Variants in RANBP17 observed in about 807,000 individuals in gnomAD.
The protein encoded by RANBP17 is ran-binding protein 17.
Under a neutral mutation model 141.2 loss-of-function variants are expected in RANBP17, and 158 were observed. That is an observed-to-expected ratio of 1.12 (90% CI 0.98 to 1.28). The LOEUF is 1.28. RANBP17 is among the 50% of genes most tolerant of loss of function. RANBP17 has a pLI of 0.00. For synonymous variants in RANBP17, 430 were observed against 450.0 expected (o/e 0.96, Z 0.56); for missense variants, 1,438 against 1,290.7 (o/e 1.11, Z -1.75).
chr5:171,049,477 G>C (rs763802732), intron 14 of RANBP17, among the ~76,000 whole-genome samples: 4 of 152,090 alleles, frequency 2.6e-5, no homozygotes, highest in Non-Finnish European at 5.9e-5. Context: ...AGTTTAATTA[G>C]GTCTCATTTG....
chr5:170,881,918 T>C (rs751078600), intron 3 of RANBP17, 22 bp downstream of exon 3: 1 of 1,479,544 alleles, frequency 6.8e-7, no homozygotes, highest in Non-Finnish European at 9.3e-7. Context: ...ATTATGCTTT[T>C]TAACCAACTG....
chr5:170,892,478 G>A lies in RANBP17; in HGVS notation c.348G>A (p.Lys116=). 6.2e-7 allele frequency: 1 copy of A among 1,614,044 alleles called. No homozygotes were observed. The highest frequency in any genetic ancestry group is 8.5e-7 in the Non-Finnish European group (1 of 1,179,944). Residue 116 remains lysine (K), a synonymous_variant, in exon 4 of 28, where the codon AAG becomes AAA. Coordinates refer to ENST00000523189, the MANE Select transcript of RANBP17 (RefSeq NM_022897.5). ...ALIQVIAKIT[K]LGWFEVQKDQ... ...TTCAAGTCATTGCTAAAATCACTAA[G>A]TTGGGGTGGTTTGAGGTTCAGAAAG...
chr5:171,056,857 G>C (rs995478672), intron 14 of RANBP17, among the ~76,000 whole-genome samples: 3 of 152,090 alleles, frequency 2.0e-5, no homozygotes, highest in Admixed American at 1.3e-4. Context: ...TACTCATTAA[G>C]GGGAAGACAG....
intron 12 of RANBP17, among the ~76,000 whole-genome samples, chr5:170,925,759 T>C (rs1772867463): frequency 1.3e-5 from 2 of 149,608 alleles, no homozygotes; most frequent in African/African-American, 4.9e-5. Context: ...ATACATGATA[T>C]TGCATATTTC....
intron 14 of RANBP17, among the ~76,000 whole-genome samples, chr5:171,005,580 T>A (rs1227819052): frequency 5.3e-5 from 8 of 152,166 alleles, no homozygotes; most frequent in Non-Finnish European, 7.3e-5. Flanking sequence ...TTACACCTTA[T>A]ACAAAAATTA....
chr5:171,043,911 A>G (rs561004576), intron 14 of RANBP17, among the ~76,000 whole-genome samples: 43 of 152,304 alleles, frequency 2.8e-4, no homozygotes, highest in South Asian at 8.3e-4. Context: ...ATTAGAGACA[A>G]TCTATCAAAG....
intron 14 of RANBP17, among the ~76,000 whole-genome samples, chr5:171,038,148 T>A (rs1161855341): frequency 6.8e-6 from 1 of 146,272 alleles, no homozygotes; most frequent in Non-Finnish European, 1.5e-5. Flanking sequence ...TTTGTTTAGA[T>A]GTATTCTTAG....
intron 14 of RANBP17, among the ~76,000 whole-genome samples, chr5:171,083,329 C>T (rs908756291): frequency 3.9e-5 from 6 of 152,108 alleles, no homozygotes; most frequent in Non-Finnish European, 8.8e-5. Context: ...CTAGCCCACT[C>T]CTTCCACCAT....
In RANBP17 at chr5:170,900,129, G is replaced by A. The variant is rs912134819; in HGVS notation, c.489+4014G>A. Among the ~76,000 whole-genome samples, 44 of 152,216 alleles carry A rather than the reference G, an allele frequency of 2.9e-4. 1 individual carries two copies. Among genetic ancestry groups the A allele is most frequent in the Middle Eastern group, 6.8e-3 (2 of 294 alleles). On this transcript the variant is annotated intron_variant, in intron 5 of 27. Coordinates refer to ENST00000523189, the MANE Select transcript of RANBP17 (RefSeq NM_022897.5). ...TTTGTAACTCTGGTAGAATTCAGTC[G>A]TGAATCCGTCTGGTCCAGGGCTTTT...
chr5:171,002,956 CT>C (rs756111053), intron 14 of RANBP17, among the ~76,000 whole-genome samples: 14 of 152,202 alleles, frequency 9.2e-5, no homozygotes, highest in Admixed American at 1.3e-4. Flanking sequence ...GTGAGTACAA[CT>C]GAAGGAGCCA....
At chr5:170,865,056 G>A (rs1266037582) in intron 1 of RANBP17, among the ~76,000 whole-genome samples, 1 of 151,656 alleles carries the variant, frequency 6.6e-6, no homozygotes, top group East Asian at 1.9e-4. Context: ...TTGCAGGTTT[G>A]TTGTTGTTGT....
At position 170,926,654 on chromosome 5, in the gene RANBP17, A is replaced by C. The variant is rs1014629560; in HGVS notation, c.1468+2104A>C. ...TTTCATATCAAACTTGATTTTGATTAATTCACAAAAATTTTTTTGAAGAGG... is the reference window on the plus strand; with the variant it reads ...TTTCATATCAAACTTGATTTTGATTCATTCACAAAAATTTTTTTGAAGAGG... On this transcript the variant is annotated intron_variant, in intron 12 of 27. Transcript: ENST00000523189. Among the ~76,000 whole-genome samples, 6 of 151,886 alleles carry C rather than the reference A, an allele frequency of 4.0e-5. No individual in the cohort carries two copies. The East Asian group carries it at 9.7e-4, about 24-fold the overall frequency.
At chr5:170,982,155 C>G (rs899380717) in intron 14 of RANBP17, among the ~76,000 whole-genome samples, 3 of 152,074 alleles carry the variant, frequency 2.0e-5, no homozygotes, top group Non-Finnish European at 4.4e-5. Context: ...GGTTAAAACC[C>G]CAAAGCAGGA....
chr5:171,077,649 G>A (rs1176104131), intron 14 of RANBP17, among the ~76,000 whole-genome samples: 1 of 152,092 alleles, frequency 6.6e-6, no homozygotes, highest in Non-Finnish European at 1.5e-5. Context: ...GAAAGGAAAG[G>A]GTAATTGCTT....
intron 14 of RANBP17, among the ~76,000 whole-genome samples, chr5:171,156,687 C>G (rs1403336727): frequency 6.6e-6 from 1 of 152,162 alleles, no homozygotes; most frequent in Middle Eastern, 3.4e-3. Context: ...TATTAGCTAT[C>G]GGTAGCTTCT....
intron 14 of RANBP17, among the ~76,000 whole-genome samples, chr5:171,137,247 C>G (rs1341935907): frequency 6.6e-6 from 1 of 152,072 alleles, no homozygotes; most frequent in South Asian, 2.1e-4. Flanking sequence ...AGGTCTCTTA[C>G]AATTTGAAAG....
chr5:171,019,815 G>A lies in RANBP17; in HGVS notation c.1710+51438G>A, dbSNP rs191992752. ...CTTAGTTATTTCTTGTCTTCTGCTAGCTTTCAGATTAGTTTGCTCTTTCCT... is the reference window on the plus strand; with the variant it reads ...CTTAGTTATTTCTTGTCTTCTGCTAACTTTCAGATTAGTTTGCTCTTTCCT... On this transcript the variant is annotated intron_variant, in intron 14 of 27. Transcript: ENST00000523189. Among the ~76,000 whole-genome samples, 289 of 152,038 alleles carry A rather than the reference G, an allele frequency of 1.9e-3. 4 individuals are homozygous for A. The highest frequency in any genetic ancestry group is 0.017 in the Admixed American group (256 of 15,266).
At chr5:170,897,021 C>T in intron 5 of RANBP17, 3 of 1,098,156 alleles carry the variant, frequency 2.7e-6, no homozygotes, top group Non-Finnish European at 4.1e-6. Context: ...ACGCCGCGGT[C>T]AGCCAGAAAG....
intron 5 of RANBP17, among the ~76,000 whole-genome samples, chr5:170,908,786 C>G (rs138211880): frequency 2.0e-5 from 3 of 151,760 alleles, no homozygotes; most frequent in East Asian, 3.9e-4. Flanking sequence ...ATATGGCAAT[C>G]GAGTATAATC....
Sources: gnomAD v4.1 joint callset for allele counts (sites outside exome capture counted in the v4.1 genomes callset) on GRCh38, gnomAD v4.1.1 for gene constraint, MANE v1.5 for transcripts, NCBI Gene and HGNC (gene_info 2026-07-23, HGNC 2026-07-21) for gene names.